Variants in SUN1 observed in about 807,000 individuals in gnomAD.
SUN1 encodes Sad1 and UNC84 domain containing 1.
Under a neutral mutation model 103.2 loss-of-function variants are expected in SUN1, and 61 were observed. The observed-to-expected ratio is 0.59, with a 90% CI of 0.48 to 0.73. The LOEUF is 0.73. Among genes scored for constraint, SUN1 ranks in the 30% least tolerant of loss-of-function variants. SUN1 has a pLI of 0.00. For synonymous variants in SUN1, 490 were observed against 425.7 expected, an observed-to-expected ratio of 1.15 and a Z score of -1.86; for missense variants, 1,052 against 1,034.6, an observed-to-expected ratio of 1.02 and a Z score of -0.23.
chr7:829,589 C>G (rs906049169), upstream of SUN1, among the ~76,000 whole-genome samples: 1 of 148,406 alleles, frequency 6.7e-6, no homozygotes, highest in South Asian at 2.1e-4. Flanking sequence ...GAGTCTCGCT[C>G]TGTCGCCCAG....
intron 18 of SUN1, 74 bp downstream of exon 18, chr7:872,636 A>G (rs1842518818): frequency 8.2e-7 from 1 of 1,220,238 alleles, no homozygotes; most frequent in African/African-American, 1.5e-5. Context: ...CCCAGCTGGC[A>G]TCAACAGACT....
intron 1 of SUN1, among the ~76,000 whole-genome samples, chr7:825,275 G>C (rs540802440): frequency 6.6e-6 from 1 of 152,204 alleles, no homozygotes; most frequent in Non-Finnish European, 1.5e-5. Context: ...TGTTAGTCAG[G>C]TTGGTCTTGA....
intron 5 of SUN1, among the ~76,000 whole-genome samples, chr7:847,798 G>A (rs1368929269): frequency 1.1e-5 from 1 of 95,152 alleles, no homozygotes; most frequent in African/African-American, 4.3e-5. Context: ...GGGTTACCCC[G>A]CAGTCCAGTC....
upstream of SUN1, among the ~76,000 whole-genome samples, chr7:828,269 TTTTG>T (rs1794596453): frequency 4.1e-5 from 2 of 49,002 alleles, no homozygotes; most frequent in Admixed American, 2.1e-4. Context: ...TGTTTTTTGT[TTTTG>T]TTTTGTTTTG....
At chr7:830,918 G>A (rs1019119287), upstream of SUN1, 3 of 984,596 alleles carry the variant, frequency 3.0e-6, no homozygotes, top group African/African-American at 5.2e-5. Context: ...GCTGGGTTCT[G>A]CAGAAGCTGC....
chr7:848,278 A>G (rs1220856137), intron 5 of SUN1: 9 of 725,274 alleles, frequency 1.2e-5, no homozygotes, highest in Middle Eastern at 3.0e-4. Flanking sequence ...GTCCACTGCC[A>G]GCTGGGCTCT....
At position 839,628 on chromosome 7, in the gene SUN1, C is replaced by T. The variant is rs540148856; in HGVS notation, c.266+642C>T. 3.1e-5 allele frequency among the ~76,000 whole-genome samples: 2 copies of T among 63,992 alleles called. 1 individual carries two copies. Among genetic ancestry groups the T allele is most frequent in the Non-Finnish European group, 6.6e-5 (2 of 30,472 alleles). The allele number at this position is 63,992 out of a possible 152,430, so 42.0% of individuals were successfully genotyped here. On this transcript the variant is annotated intron_variant, in intron 2 of 18. Transcript: ENST00000401592. ...ACAGTGGTGGCGTGATCTTGGCTCA[C>T]TGCAGCCTCTGCCTCCCGGGTTCAA...
At chr7:826,131 G>A (rs913771417) in intron 1 of SUN1, among the ~76,000 whole-genome samples, 10 of 152,102 alleles carry the variant, frequency 6.6e-5, no homozygotes, top group Non-Finnish European at 1.3e-4. Flanking sequence ...CCAGCACTGT[G>A]GGAAGCTGAG....
chr7:843,153 A>G (rs932570851), intron 3 of SUN1, 53 bp from the exon 4 acceptor site: 3 of 1,595,120 alleles, frequency 1.9e-6, no homozygotes, highest in African/African-American at 2.7e-5. Flanking sequence ...TTCTTATTTG[A>G]TAAGCTGAGC....
At chr7:847,004 T>TA (rs981035555) in intron 5 of SUN1, among the ~76,000 whole-genome samples, 2 of 152,022 alleles carry the variant, frequency 1.3e-5, no homozygotes, top group African/African-American at 4.8e-5. Flanking sequence ...AGCTTATCTC[T>TA]AAAAAAAATT....
upstream of SUN1, among the ~76,000 whole-genome samples, chr7:815,661 T>G (rs1165606630): frequency 6.6e-6 from 1 of 152,186 alleles, no homozygotes; most frequent in Admixed American, 6.5e-5. Context: ...AACAAATCAG[T>G]ATTTGCAAGA....
intron 12 of SUN1, among the ~76,000 whole-genome samples, chr7:857,311 T>A (rs1167824555): frequency 6.6e-6 from 1 of 152,190 alleles, no homozygotes; most frequent in East Asian, 1.9e-4. Context: ...CCAAAGCTTT[T>A]ATTTCAGTAA....
intron 15 of SUN1, among the ~76,000 whole-genome samples, chr7:864,083 CTAAT>C (rs1484639725): frequency 1.3e-5 from 2 of 152,106 alleles, no homozygotes; most frequent in African/African-American, 4.8e-5. Flanking sequence ...AATGGCTTAA[CTAAT>C]TATCTATTTT....
At chr7:827,763 G>A (rs1584037738), upstream of SUN1, among the ~76,000 whole-genome samples, 2 of 151,940 alleles carry the variant, frequency 1.3e-5, no homozygotes, top group East Asian at 3.9e-4. Flanking sequence ...ACCGTGCCTG[G>A]CCTAAAATCC....
intron 1 of SUN1, among the ~76,000 whole-genome samples, chr7:820,749 T>A (rs1785121037): frequency 6.6e-6 from 1 of 152,216 alleles, no homozygotes; most frequent in Non-Finnish European, 1.5e-5. Flanking sequence ...GTTTTTACTA[T>A]GAAAAGGTGT....
At chr7:846,430 G>T (rs140320710) in intron 5 of SUN1, among the ~76,000 whole-genome samples, 4 of 152,126 alleles carry the variant, frequency 2.6e-5, no homozygotes, top group Non-Finnish European at 5.9e-5. Context: ...ATCTTTTAAA[G>T]TGAGAGGTGG....
Position 853,402 on chromosome 7 carries a change from A to T in SUN1, c.1054-7A>T. On this transcript the variant is annotated splice_polypyrimidine_tract_variant and splice_region_variant and intron_variant, in intron 9 of 18. Transcript: ENST00000401592. ...TACCTGGTTTCATTTCTCTCTTGCC[A>T]TTTCAGGGTGACAGTGAGGCTTTTC... 1 of 1,613,242 alleles carries T rather than the reference A, an allele frequency of 6.2e-7. No homozygotes were observed. The highest frequency in any genetic ancestry group is 8.5e-7 in the Non-Finnish European group (1 of 1,180,008).
intron 17 of SUN1, among the ~76,000 whole-genome samples, chr7:871,776 A>G (rs141923615): frequency 4.7e-4 from 72 of 152,328 alleles, no homozygotes; most frequent in African/African-American, 1.7e-3. Flanking sequence ...TCTTATCCCT[A>G]GAAGTCCTTT....
chr7:868,383 C>T (rs964381948), intron 16 of SUN1: 4 of 262,316 alleles, frequency 1.5e-5, no homozygotes, highest in Admixed American at 5.3e-5. Flanking sequence ...CGCAGCAGGC[C>T]GACCTTGCCA....
Sources: gnomAD v4.1 joint callset for allele counts (sites outside exome capture counted in the v4.1 genomes callset) on GRCh38, gnomAD v4.1.1 for gene constraint, MANE v1.5 for transcripts, NCBI Gene and HGNC (gene_info 2026-07-23, HGNC 2026-07-21) for gene names.